Variants in NFATC1 observed in about 807,000 individuals in gnomAD.
The protein encoded by NFATC1 is nuclear factor of activated T-cells, cytoplasmic 1.
NFATC1 carries 22 observed loss-of-function variants against 76.0 expected under a neutral mutation model. The observed-to-expected ratio is 0.29, with a 90% CI of 0.21 to 0.41. The LOEUF (loss-of-function observed/expected upper bound fraction) is 0.41, where lower values mean the gene tolerates loss of function less well. Ranked by LOEUF, NFATC1 falls within the 10% of genes least tolerant of loss-of-function variation. The probability of loss-of-function intolerance (pLI) is 1.00; values close to 1 mark genes in which losing one functional copy is unlikely to be tolerated. For synonymous variants in NFATC1, 704 were observed against 613.1 expected (o/e 1.15, Z -2.19); for missense variants, 1,357 against 1,337.7 (o/e 1.01, Z -0.23).
intron 9 of NFATC1, among the ~76,000 whole-genome samples, chr18:79,513,479 A>G (rs1317641385): frequency 3.9e-5 from 6 of 152,250 alleles, no homozygotes; most frequent in Non-Finnish European, 5.9e-5. Flanking sequence ...CAAACCTCAA[A>G]CAAAATGTCA....
At chr18:79,461,546 A>C (rs1334113053) in intron 7 of NFATC1, among the ~76,000 whole-genome samples, 180 bp downstream of exon 7, 1 of 152,164 alleles carries the variant, frequency 6.6e-6, no homozygotes, top group African/African-American at 2.4e-5. Context: ...ATCACCAAGT[A>C]CTCGCCAAAG....
At chr18:79,407,980 G>T (rs116072782) in intron 1 of NFATC1, among the ~76,000 whole-genome samples, 4 of 116,386 alleles carry the variant, frequency 3.4e-5, no homozygotes, top group Non-Finnish European at 7.6e-5. Context: ...TGGCTCCATC[G>T]CAGCTCTGTT....
chr18:79,429,203 A>G (rs1392462126), intron 2 of NFATC1, among the ~76,000 whole-genome samples: 4 of 146,888 alleles, frequency 2.7e-5, no homozygotes, highest in Non-Finnish European at 6.0e-5. Context: ...CCTGGGCCAC[A>G]GAGCGGGACT....
At chr18:79,447,664 A>T (rs538003166) in intron 3 of NFATC1, among the ~76,000 whole-genome samples, 1 of 152,332 alleles carries the variant, frequency 6.6e-6, no homozygotes, top group African/African-American at 2.4e-5. Context: ...GGGAGGCCCC[A>T]CTGCGCAAAG....
At chr18:79,507,364 G>A (rs117855233) in intron 9 of NFATC1, among the ~76,000 whole-genome samples, 5 of 152,374 alleles carry the variant, frequency 3.3e-5, no homozygotes, top group African/African-American at 4.8e-5. Flanking sequence ...TGCCGGGGCC[G>A]GTGGAGCCAT....
intron 1 of NFATC1, among the ~76,000 whole-genome samples, chr18:79,402,108 G>C (rs754550651): frequency 6.6e-6 from 1 of 152,240 alleles, no homozygotes; most frequent in Non-Finnish European, 1.5e-5. Flanking sequence ...GGCCACTTCC[G>C]TGCCTCCGTG....
chr18:79,400,116 C>T (rs913693132), intron 1 of NFATC1, among the ~76,000 whole-genome samples: 2 of 151,372 alleles, frequency 1.3e-5, no homozygotes, highest in African/African-American at 4.8e-5. Context: ...GGCCGGGGGA[C>T]CCCTGCGGTC....
chr18:79,435,143 G>A (rs990617526), intron 3 of NFATC1, among the ~76,000 whole-genome samples: 11 of 152,216 alleles, frequency 7.2e-5, no homozygotes, highest in African/African-American at 2.7e-4. Context: ...GTGAAAGGAG[G>A]AGTGGAAATA....
intron 2 of NFATC1, among the ~76,000 whole-genome samples, chr18:79,414,859 G>A (rs1042084345): frequency 2.0e-5 from 3 of 152,216 alleles, no homozygotes; most frequent in Admixed American, 6.5e-5. Context: ...AACAGGAGGC[G>A]TTGCCGGGCT....
chr18:79,487,783 G>A (rs146663838), intron 9 of NFATC1, among the ~76,000 whole-genome samples: 8 of 152,268 alleles, frequency 5.3e-5, no homozygotes, highest in South Asian at 4.1e-4. Context: ...GGGTGATTCC[G>A]CTCGTGTTTT....
At chr18:79,436,275 G>A (rs768394270) in intron 3 of NFATC1, among the ~76,000 whole-genome samples, 5 of 152,244 alleles carry the variant, frequency 3.3e-5, no homozygotes, top group African/African-American at 7.2e-5. Flanking sequence ...TGGGCGCTGC[G>A]GGCGGCTGGT....
chr18:79,509,255 G>A (rs144549225), intron 9 of NFATC1, among the ~76,000 whole-genome samples: 14 of 152,306 alleles, frequency 9.2e-5, no homozygotes, highest in Non-Finnish European at 1.2e-4. Flanking sequence ...CCTTCAAGGC[G>A]GAGCTTTGGC....
At chr18:79,473,099 C>A (rs933323135) in intron 8 of NFATC1, among the ~76,000 whole-genome samples, 1 of 152,254 alleles carries the variant, frequency 6.6e-6, no homozygotes, top group Non-Finnish European at 1.5e-5. Context: ...TACCTGATTT[C>A]AGACAGAGCG....
intron 3 of NFATC1, among the ~76,000 whole-genome samples, chr18:79,445,148 TGAGTA>T (rs1297960531): frequency 6.6e-6 from 1 of 152,264 alleles, no homozygotes; most frequent in African/African-American, 2.4e-5. Context: ...CCTGGTATCT[TGAGTA>T]AAGTCTCCCT....
chr18:79,481,628 G>T (rs1038257296), intron 8 of NFATC1, among the ~76,000 whole-genome samples: 7 of 152,246 alleles, frequency 4.6e-5, no homozygotes, highest in African/African-American at 1.7e-4. Context: ...CAAGGCCTGT[G>T]CACCTTCTTC....
intron 3 of NFATC1, among the ~76,000 whole-genome samples, chr18:79,436,591 C>A (rs572235900): frequency 6.6e-6 from 1 of 152,222 alleles, no homozygotes; most frequent in East Asian, 1.9e-4. Context: ...CCATGTGTTT[C>A]GCAGTTGGGA....
At chr18:79,459,669 G>T (rs148555843) in intron 6 of NFATC1, among the ~76,000 whole-genome samples, 1 of 152,130 alleles carries the variant, frequency 6.6e-6, no homozygotes, top group African/African-American at 2.4e-5. Context: ...AGCCTGTTGC[G>T]CCCGGGAGCT....
chr18:79,444,704 C>CAGCGCCGCACACACA (rs1568969809), intron 3 of NFATC1, among the ~76,000 whole-genome samples: 2 of 151,986 alleles, frequency 1.3e-5, no homozygotes, highest in East Asian at 3.9e-4. Flanking sequence ...CAGACCACAC[C>CAGCGCCGCACACACA]GGCACTGCAC....
At chr18:79,444,999 G>T (rs528831603) in intron 3 of NFATC1, among the ~76,000 whole-genome samples, 162 of 152,356 alleles carry the variant, frequency 1.1e-3, no homozygotes, top group African/African-American at 3.8e-3. Context: ...CTTCGGGCAG[G>T]TGAGGCCTGG....
Sources: allele counts gnomAD v4.1 joint callset (sites outside exome capture counted in the v4.1 genomes callset), GRCh38; gene constraint gnomAD v4.1.1; transcripts MANE v1.5; gene names NCBI Gene and HGNC (gene_info 2026-07-23, HGNC 2026-07-21).